Variants in KCTD9 observed in about 807,000 individuals in gnomAD.
KCTD9 encodes the protein BTB/POZ domain-containing protein KCTD9.
In KCTD9, 17 loss-of-function variants were observed where a neutral mutation model predicts 53.3. The observed-to-expected ratio is 0.32, with a 90% CI of 0.22 to 0.48. The LOEUF is 0.48. Ranked by LOEUF, KCTD9 falls within the 20% of genes least tolerant of loss-of-function variation. The pLI is 0.99. For synonymous variants in KCTD9, 128 were observed against 162.7 expected (o/e 0.79, Z 1.62); for missense variants, 179 against 465.5 (o/e 0.38, Z 5.66).
intron 4 of KCTD9, chr8:25,439,902 G>A: frequency 1.5e-6 from 1 of 688,554 alleles, no homozygotes; most frequent in Non-Finnish European, 2.2e-6. Flanking sequence ...ATACTTGTCT[G>A]TCTATCCTGT....
intron 1 of KCTD9, among the ~76,000 whole-genome samples, chr8:25,453,632 C>T (rs527703436): frequency 1.1e-3 from 151 of 141,560 alleles, no homozygotes; most frequent in African/African-American, 3.4e-3. Context: ...CCAACCTGGG[C>T]GACAGAGTGA....
chr8:25,449,272 C>T (rs1802273859), intron 1 of KCTD9, among the ~76,000 whole-genome samples: 1 of 152,214 alleles, frequency 6.6e-6, no homozygotes, highest in Admixed American at 6.5e-5. Context: ...TGCCATCATA[C>T]AAAGAATTTT....
intron 6 of KCTD9, among the ~76,000 whole-genome samples, chr8:25,437,939 G>A (rs1388313034): frequency 1.4e-5 from 2 of 146,230 alleles, no homozygotes; most frequent in Non-Finnish European, 3.0e-5. Context: ...TGAAATTACT[G>A]TAGATTGTTT....
At position 25,446,082 on chromosome 8, in the gene KCTD9, A is replaced by G. The variant is rs776533003; in HGVS notation, c.170+47T>C. ...GCTTAAGGGAAACAGCATAGCACCAAGAAGTTGAGGCACACTGTTGACAGC... is the reference window on the plus strand; with the variant it reads ...GCTTAAGGGAAACAGCATAGCACCAGGAAGTTGAGGCACACTGTTGACAGC... On this transcript the variant is annotated intron_variant, in intron 2 of 11. Transcript: ENST00000221200. 28 of 1,600,494 alleles carry G rather than the reference A, an allele frequency of 1.7e-5. No homozygotes were observed. In the East Asian group the frequency reaches 6.3e-4, roughly 36 times the overall value.
chr8:25,438,584 C>T (rs1164176708), intron 6 of KCTD9, among the ~76,000 whole-genome samples: 3 of 152,212 alleles, frequency 2.0e-5, no homozygotes, highest in African/African-American at 7.2e-5. Flanking sequence ...AGGCATGTGA[C>T]CTCAAGATTG....
At chr8:25,432,407 T>G in intron 11 of KCTD9, 97 bp downstream of exon 11, 1 of 1,068,110 alleles carries the variant, frequency 9.4e-7, no homozygotes, top group South Asian at 1.4e-5. Context: ...AATCCAGTTT[T>G]ACCAGCCAAC....
At chr8:25,448,276 G>A (rs1318865156) in intron 1 of KCTD9, among the ~76,000 whole-genome samples, 1 of 152,122 alleles carries the variant, frequency 6.6e-6, no homozygotes, top group African/African-American at 2.4e-5. Flanking sequence ...AATGAAATAA[G>A]CCAGTCACAA....
In KCTD9 at chr8:25,455,054, G is replaced by A. The variant is rs530608183; in HGVS notation, c.48+3145C>T. 9.2e-5 allele frequency among the ~76,000 whole-genome samples: 14 copies of A among 152,060 alleles called. No individual in the cohort carries two copies. In the East Asian group the frequency reaches 2.7e-3, roughly 29 times the overall value. ...CAGCCTGGCCAACATGGTGAAAACC[G>A]TCTCTACTAAAAATACAAAAATTAG... On this transcript the variant is annotated intron_variant, in intron 1 of 11. Transcript: ENST00000221200.
Position 25,431,875 on chromosome 8 carries a change from T to A in KCTD9, c.1053+629A>T, listed in dbSNP as rs1328434513. ...TACCAGCCACATGTGGCTACTTAAATTTAAATGAATTAAAATTAAATAAAA... is the reference window on the plus strand; with the variant it reads ...TACCAGCCACATGTGGCTACTTAAAATTAAATGAATTAAAATTAAATAAAA... On this transcript the variant is annotated intron_variant, in intron 11 of 11. Transcript: ENST00000221200. Among the ~76,000 whole-genome samples, 6 of 152,154 alleles carry A rather than the reference T, an allele frequency of 3.9e-5. No individual in the cohort carries two copies. The South Asian group carries it at 1.2e-3, about 31-fold the overall frequency.
chr8:25,435,341 T>C lies in KCTD9; in HGVS notation c.813+22A>G, dbSNP rs1006751647. 3.3e-6 allele frequency: 5 copies of C among 1,523,268 alleles called. No homozygotes were observed. The African/African-American group carries it at 5.6e-5, about 17-fold the overall frequency. 94.4% of individuals were successfully genotyped at this position (1,523,268 alleles called of 1,614,324 possible). A position where few individuals can be genotyped will look rare whatever the true frequency, so the allele number is the denominator to read the frequency against. The stretch of plus-strand genomic sequence containing the variant: ...ATAGACTAAACATTTAATTTTCTCT[T>C]GTAGCCTAAAATGATACTTACGTCA... On this transcript the variant is annotated intron_variant, in intron 9 of 11. Transcript: ENST00000221200.
At chr8:25,434,042 T>C (rs1485152645) in intron 9 of KCTD9, among the ~76,000 whole-genome samples, 1 of 152,192 alleles carries the variant, frequency 6.6e-6, no homozygotes. Flanking sequence ...CACATCACAA[T>C]GCATAATGCA....
intron 1 of KCTD9, 106 bp downstream of exon 1, chr8:25,458,093 C>A: frequency 5.1e-6 from 6 of 1,169,182 alleles, no homozygotes; most frequent in Non-Finnish European, 6.1e-6. Flanking sequence ...GCACGCCCAC[C>A]TCCCAGCCCC....
At chr8:25,440,358 A>G (rs1245214066) in intron 4 of KCTD9, among the ~76,000 whole-genome samples, 1 of 152,200 alleles carries the variant, frequency 6.6e-6, no homozygotes, top group Non-Finnish European at 1.5e-5. Flanking sequence ...GCGCCCAGCC[A>G]AAAGCATGTT....
rs1170307422 is a variant in KCTD9 at position 25,429,220 on chromosome 8, A to C, written c.*637T>G. ...GATGTCTTTCTTTCCACTCTGTCTC[A>C]ATCAGTAAGAACTGGATATTACTTT... On this transcript the variant is annotated 3_prime_UTR_variant, in exon 12 of 12. Coordinates refer to ENST00000221200, the MANE Select transcript of KCTD9 (RefSeq NM_017634.4). The C allele has an allele frequency of 1.3e-5, 2 of 152,514 alleles. No homozygotes were observed. The highest frequency in any genetic ancestry group is 4.8e-5 in the African/African-American group (2 of 41,452). 9.4% of individuals were successfully genotyped at this position (152,514 alleles called of 1,614,324 possible). A position where few individuals can be genotyped will look rare whatever the true frequency, so the allele number is the denominator to read the frequency against.
intron 3 of KCTD9, among the ~76,000 whole-genome samples, chr8:25,442,996 T>C (rs1217945410): frequency 6.6e-6 from 1 of 152,096 alleles, no homozygotes; most frequent in Non-Finnish European, 1.5e-5. Context: ...AGAGGATAAG[T>C]AAAAACCTTA....
In KCTD9 at chr8:25,429,764, G is replaced by GTT. The variant is rs1203066778; in HGVS notation, c.*91_*92dup. The GTT allele has an allele frequency of 2.8e-6, 2 of 716,828 alleles. No homozygotes were observed. Among genetic ancestry groups the GTT allele is most frequent in the African/African-American group, 3.6e-5 (2 of 56,202 alleles). The allele number at this position is 716,828 out of a possible 1,614,324, so 44.4% of individuals were successfully genotyped here. ...TTTTTTTTTTAAATTTCCTTACAGT[G>GTT]TTATTTCTTCTAGACAACTGAGTGG... On this transcript the variant is annotated 3_prime_UTR_variant, in exon 12 of 12. Transcript: ENST00000221200.
chr8:25,434,385 C>G (rs912987935), intron 9 of KCTD9, among the ~76,000 whole-genome samples: 1 of 152,204 alleles, frequency 6.6e-6, no homozygotes, highest in Non-Finnish European at 1.5e-5. Context: ...ATCCACCACA[C>G]GCAGCCAAGA....
intron 1 of KCTD9, among the ~76,000 whole-genome samples, chr8:25,451,067 A>C (rs1256226407): frequency 2.6e-5 from 4 of 152,192 alleles, no homozygotes; most frequent in Admixed American, 6.5e-5. Context: ...AAGTTGGGCC[A>C]ATATACTTGT....
intron 11 of KCTD9, among the ~76,000 whole-genome samples, chr8:25,431,674 C>T (rs947879680): frequency 3.9e-5 from 6 of 152,172 alleles, no homozygotes; most frequent in South Asian, 2.1e-4. Flanking sequence ...TAATTGTGCT[C>T]GTGATAGGAT....
Sources: allele counts gnomAD v4.1 joint callset (sites outside exome capture counted in the v4.1 genomes callset), GRCh38; gene constraint gnomAD v4.1.1; transcripts MANE v1.5; gene names NCBI Gene and HGNC (gene_info 2026-07-23, HGNC 2026-07-21).